SLAMF6: variants seen among roughly 807,000 people sequenced by gnomAD.
SLAMF6 encodes SLAM family member 6, also known as NK-T-B-antigen.
Under a neutral mutation model 38.3 loss-of-function variants are expected in SLAMF6, and 21 were observed. The observed-to-expected ratio is 0.55, with a 90% CI of 0.39 to 0.79. SLAMF6 has a LOEUF of 0.79. Among genes scored for constraint, SLAMF6 ranks in the 30% least tolerant of loss-of-function variants. The pLI is 0.00. For missense variants in SLAMF6, 341 were observed against 385.3 expected, an observed-to-expected ratio of 0.89 and a Z score of 0.96; for synonymous variants, 152 against 146.3, an observed-to-expected ratio of 1.04 and a Z score of -0.28.
chr1:160,487,360 A>G (rs910376875), intron 6 of SLAMF6, among the ~76,000 whole-genome samples, 185 bp from the exon 7 acceptor site: 1 of 152,186 alleles, frequency 6.6e-6, no homozygotes, highest in Non-Finnish European at 1.5e-5. Flanking sequence ...ATTTAGTGGC[A>G]TTTCCTGAGC....
intron 1 of SLAMF6, among the ~76,000 whole-genome samples, chr1:160,521,859 C>A (rs1301775022): frequency 6.6e-6 from 1 of 152,126 alleles, no homozygotes; most frequent in Non-Finnish European, 1.5e-5. Flanking sequence ...CATATTTCAT[C>A]TCTCCCTTTC....
chr1:160,523,051 G>A (rs1205944008), intron 1 of SLAMF6, 93 bp downstream of exon 1: 2 of 1,371,884 alleles, frequency 1.5e-6, no homozygotes, highest in Non-Finnish European at 2.1e-6. Context: ...TTGGCAGAGA[G>A]CCAGACAACT....
intron 2 of SLAMF6, among the ~76,000 whole-genome samples, chr1:160,493,952 G>A (rs1401148089): frequency 1.3e-5 from 2 of 152,068 alleles, no homozygotes; most frequent in Non-Finnish European, 2.9e-5. Flanking sequence ...CCTCCCACAT[G>A]ATCAAATCAC....
Position 160,485,386 on chromosome 1 carries a change from G to T in SLAMF6, c.*1321C>A. On this transcript the variant is annotated 3_prime_UTR_variant, in exon 8 of 8. Transcript: ENST00000368057. ...CATTTTAGAAAGAGTGGTCTGGGAA[G>T]GTTTCTCTTAGGAGGTGACATATTT... The T allele has an allele frequency of 6.6e-6, 1 of 152,156 alleles. No homozygotes were observed. Among genetic ancestry groups the T allele is most frequent in the Non-Finnish European group, 1.5e-5 (1 of 68,040 alleles). The allele number at this position is 152,156 out of a possible 1,614,324, so 9.4% of individuals were successfully genotyped here.
chr1:160,512,731 A>G (rs7517377), intron 1 of SLAMF6, among the ~76,000 whole-genome samples: 129,687 of 152,118 alleles, frequency 0.85, 55,957 homozygotes, highest in Non-Finnish European at 0.93. Context: ...GGTGAATAGG[A>G]TCTGGAGTGG....
intron 1 of SLAMF6, among the ~76,000 whole-genome samples, chr1:160,507,936 G>A (rs111546684): frequency 3.1e-4 from 47 of 152,072 alleles, no homozygotes; most frequent in Middle Eastern, 3.4e-3. Flanking sequence ...GGAAGACTAG[G>A]AATCCAACTT....
At chr1:160,490,279 G>A (rs1228228551) in intron 4 of SLAMF6, 43 bp from the exon 5 acceptor site, 1 of 1,612,268 alleles carries the variant, frequency 6.2e-7, no homozygotes, top group Admixed American at 1.7e-5. Context: ...GACAGCAGTG[G>A]GAGAGGCATT....
In SLAMF6 at chr1:160,490,633, C is replaced by A; in HGVS notation, c.699G>T (p.Gly233=). The part of the protein sequence containing the change: ...DTKMILFMVS[G]ICIVFGFIIL... ...TGATGAAACCGAAGACTATGCATATCCCAGAAACCATAAACAGAATCATTT... is the reference window on the plus strand; with the variant it reads ...TGATGAAACCGAAGACTATGCATATACCAGAAACCATAAACAGAATCATTT... Residue 233 remains glycine (G), a synonymous_variant, in exon 4 of 8, where the codon GGG becomes GGT. Coordinates refer to ENST00000368057, the MANE Select transcript of SLAMF6 (RefSeq NM_001184714.2). 1 of 1,613,908 alleles carries A rather than the reference C, an allele frequency of 6.2e-7. No homozygotes were observed. Among genetic ancestry groups the A allele is most frequent in the Non-Finnish European group, 8.5e-7 (1 of 1,179,882 alleles).
chr1:160,486,481 T>C lies in SLAMF6; in HGVS notation c.*226A>G, dbSNP rs929774808. Reference sequence around the variant, plus strand: ...ATCTTTAGCATGTTTTGGCCTGAAGTGGATTGGAAAATATTATTTGAACCA... The same window carrying C: ...ATCTTTAGCATGTTTTGGCCTGAAGCGGATTGGAAAATATTATTTGAACCA... On this transcript the variant is annotated 3_prime_UTR_variant, in exon 8 of 8. Transcript: ENST00000368057. 8 of 507,122 alleles carry C rather than the reference T, an allele frequency of 1.6e-5. No individual in the cohort carries two copies. Among genetic ancestry groups the C allele is most frequent in the Middle Eastern group, 5.2e-4 (1 of 1,930 alleles). 31.4% of individuals were successfully genotyped at this position (507,122 alleles called of 1,614,324 possible). A position where few individuals can be genotyped will look rare whatever the true frequency, so the allele number is the denominator to read the frequency against.
chr1:160,487,052 G>A, intron 7 of SLAMF6, 52 bp downstream of exon 7: 4 of 1,443,148 alleles, frequency 2.8e-6, no homozygotes, highest in South Asian at 1.2e-5. Context: ...AAAAATCATA[G>A]GTCTGTGGAG....
chr1:160,519,826 T>C (rs1654907256), intron 1 of SLAMF6, among the ~76,000 whole-genome samples: 1 of 152,004 alleles, frequency 6.6e-6, no homozygotes, highest in South Asian at 2.1e-4. Flanking sequence ...GCTTAGTGGG[T>C]ACAGGGTTTC....
At chr1:160,503,066 G>A (rs1400902603) in intron 1 of SLAMF6, among the ~76,000 whole-genome samples, 2 of 152,180 alleles carry the variant, frequency 1.3e-5, no homozygotes, top group Non-Finnish European at 2.9e-5. Flanking sequence ...CATAAGTGAA[G>A]AGGTTAGTCT....
chr1:160,510,869 T>TA (rs1654436676), intron 1 of SLAMF6, among the ~76,000 whole-genome samples: 1 of 152,100 alleles, frequency 6.6e-6, no homozygotes, highest in South Asian at 2.1e-4. Context: ...TCAGAGCTAA[T>TA]AAATAAATTC....
chr1:160,497,247 G>A lies in SLAMF6; in HGVS notation c.50-854C>T, dbSNP rs184289222. On this transcript the variant is annotated intron_variant, in intron 1 of 7. Transcript: ENST00000368057. Reference sequence around the variant, plus strand: ...CTTATTCAGAACTATCAATGTTTAAGCAAAAACGGTGAAATGGTCACAATG... The same window carrying A: ...CTTATTCAGAACTATCAATGTTTAAACAAAAACGGTGAAATGGTCACAATG... Among the ~76,000 whole-genome samples the A allele has an allele frequency of 1.4e-3, 212 of 152,292 alleles. 1 individual carries two copies. The highest frequency in any genetic ancestry group is 5.3e-4 in the Non-Finnish European group (36 of 68,022).
At chr1:160,519,878 G>A (rs186812518) in intron 1 of SLAMF6, among the ~76,000 whole-genome samples, 64 of 152,038 alleles carry the variant, frequency 4.2e-4, no homozygotes, top group Admixed American at 1.7e-3. Flanking sequence ...TAGAAGTGGT[G>A]GTTTCACAAA....
At chr1:160,503,302 G>A (rs190835503) in intron 1 of SLAMF6, among the ~76,000 whole-genome samples, 2 of 152,256 alleles carry the variant, frequency 1.3e-5, no homozygotes, top group African/African-American at 4.8e-5. Context: ...CAATAAATGA[G>A]TGTGGAAGCA....
chr1:160,487,142 TATC>T lies in SLAMF6; in HGVS notation c.910_912del (p.Asp304del). The T allele has an allele frequency of 6.2e-7, 1 of 1,613,434 alleles. No individual in the cohort carries two copies. Among genetic ancestry groups the T allele is most frequent in the Non-Finnish European group, 8.5e-7 (1 of 1,179,768 alleles). On this transcript the variant is annotated inframe_deletion, in exon 7 of 8. Transcript: ENST00000368057. Reference sequence around the variant, plus strand: ...TTAATTGTGGAGTAAATTGTGATAGTATCATTTTCTCTAGGTGTCCAGATTTCT... The same window carrying T: ...TTAATTGTGGAGTAAATTGTGATAGTATTTTCTCTAGGTGTCCAGATTTCT...
At chr1:160,521,402 C>T (rs189493912) in intron 1 of SLAMF6, among the ~76,000 whole-genome samples, 1 of 152,014 alleles carries the variant, frequency 6.6e-6, no homozygotes, top group South Asian at 2.1e-4. Flanking sequence ...AAGAAGTATT[C>T]ATGGAAATAG....
At chr1:160,493,872 A>G (rs1653429941) in intron 2 of SLAMF6, among the ~76,000 whole-genome samples, 1 of 152,152 alleles carries the variant, frequency 6.6e-6, no homozygotes, top group Admixed American at 6.5e-5. Context: ...GAGAAAGGGC[A>G]AGGAAGTGCC....
Sources: allele counts gnomAD v4.1 joint callset (sites outside exome capture counted in the v4.1 genomes callset), GRCh38; gene constraint gnomAD v4.1.1; transcripts MANE v1.5; gene names NCBI Gene and HGNC (gene_info 2026-07-23, HGNC 2026-07-21).